CDH26: variants seen among roughly 807,000 people sequenced by gnomAD.
CDH26 encodes the protein cadherin-like protein 26.
Under a neutral mutation model 90.3 loss-of-function variants are expected in CDH26, and 83 were observed. The ratio of observed to expected loss-of-function variants is 0.92; its 90% CI spans 0.77 to 1.10. The LOEUF (loss-of-function observed/expected upper bound fraction) is 1.10. Ranked by LOEUF, CDH26 falls within the 50% of genes least tolerant of loss-of-function variation. The pLI, the probability that CDH26 is intolerant of heterozygous loss-of-function variation, is 0.00. For missense variants in CDH26, 1,013 were observed against 1,037.6 expected, an observed-to-expected ratio of 0.98 and a Z score of 0.33; for synonymous variants, 397 against 396.3, an observed-to-expected ratio of 1.00 and a Z score of -0.02.
downstream of CDH26, among the ~76,000 whole-genome samples, chr20:60,034,646 C>CT (rs1455143138): frequency 6.6e-6 from 1 of 152,238 alleles, no homozygotes; most frequent in Non-Finnish European, 1.5e-5. Context: ...AGCCAGCCCC[C>CT]AGCTGCCTTC....
chr20:60,007,075 G>A (rs909442013), intron 17 of CDH26, among the ~76,000 whole-genome samples: 7 of 152,158 alleles, frequency 4.6e-5, no homozygotes, highest in Non-Finnish European at 1.0e-4. Context: ...CACATGGGAT[G>A]GAGAGAGAGA....
At position 59,996,200 on chromosome 20, in the gene CDH26, C is replaced by T. The variant is rs16983366; in HGVS notation, c.1888+146C>T. ...ATGACTTCTGGGTGTACTCAGGCTCCTAGATGTAGATCAGAGGTTGCCATG... is the reference window on the plus strand; with the variant it reads ...ATGACTTCTGGGTGTACTCAGGCTCTTAGATGTAGATCAGAGGTTGCCATG... On this transcript the variant is annotated intron_variant, in intron 12 of 17. Transcript: ENST00000348616. The T allele has an allele frequency of 5.8e-3, 5,882 of 1,017,828 alleles. 231 individuals are homozygous for T. In the African/African-American group the frequency reaches 0.085, roughly 15 times the overall value. 63.0% of individuals were successfully genotyped at this position (1,017,828 alleles called of 1,614,324 possible).
At position 60,013,584 on chromosome 20, in the gene CDH26, C is replaced by T. The variant is rs1385235936; in HGVS notation, c.*854C>T. On this transcript the variant is annotated 3_prime_UTR_variant, in exon 18 of 18. Coordinates refer to ENST00000348616, the MANE Select transcript of CDH26 (RefSeq NM_177980.4). ...AGTAATAGATAAGAGACTGACTAAG[C>T]AAAGTTTAAAATGCTATTTGGACAC... The T allele has an allele frequency of 1.3e-5, 2 of 152,104 alleles. No homozygotes were observed. Among genetic ancestry groups the T allele is most frequent in the Admixed American group, 6.6e-5 (1 of 15,260 alleles). 9.4% of individuals were successfully genotyped at this position (152,104 alleles called of 1,614,324 possible).
chr20:59,973,196 A>G (rs922043669), intron 4 of CDH26, among the ~76,000 whole-genome samples: 6 of 152,338 alleles, frequency 3.9e-5, no homozygotes, highest in African/African-American at 1.2e-4. Context: ...TTAGTAGGTC[A>G]GGGTGAAGCC....
rs149244925 is a variant in CDH26, at chr20:60,001,378, G to T, written c.2133G>T (p.Gln711His). 5.7e-5 allele frequency: 92 copies of T among 1,614,062 alleles called. No individual in the cohort carries two copies. In the African/African-American group the frequency reaches 1.1e-3, roughly 18 times the overall value. ...LEEVPPSAAS[Q>H]SAQARCALGS... ...AAGTGCCTCCATCTGCAGCGAGTCA[G>T]TCAGCCCAAGCACGCTGTGCTCTGG... is the stretch of plus-strand genomic sequence containing the variant. Residue 711 changes from glutamine (Q) to histidine (H), a missense_variant, in exon 15 of 18, where the codon CAG (glutamine) becomes CAT (histidine). Physicochemically the swap from Gln to His is conservative, Grantham distance 24. Coordinates refer to ENST00000348616, the MANE Select transcript of CDH26 (RefSeq NM_177980.4).
At chr20:59,994,517 A>G in intron 11 of CDH26, 28 bp downstream of exon 11, 1 of 1,609,000 alleles carries the variant, frequency 6.2e-7, no homozygotes, top group Non-Finnish European at 8.5e-7. Context: ...TTACGGGCAA[A>G]GAGTGGAAAA....
downstream of CDH26, among the ~76,000 whole-genome samples, chr20:60,035,127 T>C (rs2062073510): frequency 1.3e-5 from 2 of 152,252 alleles, no homozygotes; most frequent in Non-Finnish European, 2.9e-5. Context: ...GGTATAGTTA[T>C]TGCACTTTTT....
At chr20:60,021,897 C>CACACACACACACACACACATATAT (rs1295572684) in intron 7 of CDH26, among the ~76,000 whole-genome samples, 6 of 79,002 alleles carry the variant, frequency 7.6e-5, no homozygotes, top group African/African-American at 1.6e-4. Context: ...CACACACACA[C>CACACACACACACACACACATATAT]ATATATATAT....
At chr20:60,005,286 C>T (rs1024573258) in intron 16 of CDH26, among the ~76,000 whole-genome samples, 3 of 152,078 alleles carry the variant, frequency 2.0e-5, no homozygotes, top group Non-Finnish European at 4.4e-5. Context: ...TTCGGGGAAT[C>T]AAAAGTTATA....
At chr20:59,984,835 T>A (rs1253439234) in intron 6 of CDH26, 30 bp downstream of exon 6, 1 of 1,590,812 alleles carries the variant, frequency 6.3e-7, no homozygotes, top group Admixed American at 1.8e-5. Flanking sequence ...TTTTTTTAAA[T>A]GAAATGTGTG....
At chr20:60,033,179 T>G (rs949940519) in intron 8 of CDH26, among the ~76,000 whole-genome samples, 7 of 152,194 alleles carry the variant, frequency 4.6e-5, no homozygotes, top group Admixed American at 3.3e-4. Context: ...TTCAACACTT[T>G]GAGTCCTTAT....
At position 59,980,225 on chromosome 20, in the gene CDH26, T is replaced by C. The variant is rs2145982033; in HGVS notation, c.394-2698T>C. On this transcript the variant is annotated intron_variant, in intron 4 of 17. Coordinates refer to ENST00000348616, the MANE Select transcript of CDH26 (RefSeq NM_177980.4). ...CCCTAGTGACAAATGATGACTTATTTACTATCTGTATCTCTTTTTTTGGAG... is the reference window on the plus strand; with the variant it reads ...CCCTAGTGACAAATGATGACTTATTCACTATCTGTATCTCTTTTTTTGGAG... Among the ~76,000 whole-genome samples, 3 of 152,288 alleles carry C rather than the reference T, an allele frequency of 2.0e-5. No individual in the cohort carries two copies. In the Middle Eastern group the frequency reaches 0.01, roughly 518 times the overall value.
chr20:59,994,588 G>A (rs1349006467), intron 11 of CDH26, 99 bp downstream of exon 11: 9 of 1,445,772 alleles, frequency 6.2e-6, no homozygotes, highest in Admixed American at 2.1e-5. Flanking sequence ...TTAAAAAACC[G>A]GAGAGGTCTG....
intron 11 of CDH26, among the ~76,000 whole-genome samples, chr20:59,995,055 C>T (rs1372265979): frequency 1.3e-5 from 2 of 152,204 alleles, no homozygotes; most frequent in Non-Finnish European, 2.9e-5. Context: ...TGCCTCTAGC[C>T]GTGGCGTCTG....
chr20:60,007,578 C>G (rs939074279), intron 17 of CDH26, among the ~76,000 whole-genome samples: 7 of 152,126 alleles, frequency 4.6e-5, no homozygotes, highest in African/African-American at 1.7e-4. Flanking sequence ...AACGGAGGGG[C>G]TGGTTATTTA....
chr20:60,006,040 G>A (rs1569057326), intron 16 of CDH26, among the ~76,000 whole-genome samples: 1 of 152,142 alleles, frequency 6.6e-6, no homozygotes, highest in Non-Finnish European at 1.5e-5. Context: ...TCTCAACTGG[G>A]TGAGATCCCC....
chr20:60,020,171 CA>C (rs2061941239), intron 7 of CDH26, among the ~76,000 whole-genome samples: 1 of 152,196 alleles, frequency 6.6e-6, no homozygotes, highest in South Asian at 2.1e-4. Flanking sequence ...CACAGACACA[CA>C]ATTGCTTGGC....
intron 7 of CDH26, among the ~76,000 whole-genome samples, chr20:60,027,338 T>C (rs1160719662): frequency 2.0e-5 from 3 of 152,170 alleles, no homozygotes; most frequent in Non-Finnish European, 1.5e-5. Flanking sequence ...TACAATGAAG[T>C]CATGCATACC....
chr20:60,002,988 A>G (rs2061696490), intron 16 of CDH26, 122 bp downstream of exon 16: 1 of 582,782 alleles, frequency 1.7e-6, no homozygotes, highest in East Asian at 3.1e-5. Flanking sequence ...AATATGCCCA[A>G]CATCCAAGCA....
Sources: allele counts gnomAD v4.1 joint callset (sites outside exome capture counted in the v4.1 genomes callset), GRCh38; gene constraint gnomAD v4.1.1; transcripts MANE v1.5; gene names NCBI Gene and HGNC (gene_info 2026-07-23, HGNC 2026-07-21).